The following ERG variants were observed in gnomAD, a reference collection of about 807,000 sequenced individuals.
The protein encoded by ERG is ETS transcription factor ERG.
A neutral mutation model predicts 55.3 loss-of-function variants in ERG; 9 were observed. The ratio of observed to expected loss-of-function variants is 0.16; its 90% CI spans 0.10 to 0.28. The LOEUF (loss-of-function observed/expected upper bound fraction) is 0.28, where lower values mean the gene tolerates loss of function less well. Ranked by LOEUF, ERG falls within the 10% of genes least tolerant of loss-of-function variation. The pLI, the probability that ERG is intolerant of heterozygous loss-of-function variation, is 1.00. For missense variants in ERG, 434 were observed against 631.6 expected, an observed-to-expected ratio of 0.69 and a Z score of 3.35; for synonymous variants, 223 against 237.3, an observed-to-expected ratio of 0.94 and a Z score of 0.55.
chr21:38,585,963 A>G (rs2060061403), upstream of ERG, among the ~76,000 whole-genome samples: 1 of 151,998 alleles, frequency 6.6e-6, no homozygotes, highest in Non-Finnish European at 1.5e-5. Context: ...AAGAAAAAAA[A>G]ATAAGTGGAT....
At chr21:38,418,885 C>A (rs1444760858) in intron 3 of ERG, among the ~76,000 whole-genome samples, 1 of 142,644 alleles carries the variant, frequency 7.0e-6, no homozygotes, top group Non-Finnish European at 1.5e-5. Context: ...TGAGATCCTG[C>A]CATTGCAATT....
the ERG span, among the ~76,000 whole-genome samples, chr21:38,368,990 C>A: frequency 1.1e-4 from 17 of 152,258 alleles, no homozygotes; most frequent in Middle Eastern, 3.4e-3. Context: ...TGTACATGTA[C>A]CATATTTTCT....
At chr21:38,437,916 T>C (rs537564306) in intron 2 of ERG, among the ~76,000 whole-genome samples, 56 of 152,326 alleles carry the variant, frequency 3.7e-4, no homozygotes, top group African/African-American at 6.3e-4. Flanking sequence ...AGTAACACTA[T>C]ATCCCTCCTT....
intron 2 of ERG, among the ~76,000 whole-genome samples, chr21:38,555,935 GAA>G (rs1917545293): frequency 6.6e-6 from 1 of 152,164 alleles, no homozygotes; most frequent in Admixed American, 6.6e-5. Context: ...CTTTGTTCTA[GAA>G]ATTCTACTTA....
intron 1 of ERG, among the ~76,000 whole-genome samples, chr21:38,637,816 CGTGTGT>C (rs141642791): frequency 1.3e-5 from 2 of 148,942 alleles, no homozygotes; most frequent in African/African-American, 4.9e-5. Context: ...TCTTTTTCTG[CGTGTGT>C]GTGTGTGTGT....
intron 1 of ERG, among the ~76,000 whole-genome samples, chr21:38,451,771 T>G (rs962991625): frequency 6.6e-6 from 1 of 152,104 alleles, no homozygotes; most frequent in Non-Finnish European, 1.5e-5. Flanking sequence ...CCTTCAGGAG[T>G]TTTTATTCTA....
chr21:38,377,519 C>T (rs1987275565), downstream of ERG, among the ~76,000 whole-genome samples: 1 of 152,214 alleles, frequency 6.6e-6, no homozygotes, highest in African/African-American at 2.4e-5. Flanking sequence ...AAACAAGTTT[C>T]AGTTATATTC....
intron 2 of ERG, among the ~76,000 whole-genome samples, chr21:38,441,188 C>T (rs1333608004): frequency 1.3e-5 from 2 of 152,218 alleles, no homozygotes; most frequent in Admixed American, 1.3e-4. Context: ...CTGATGAGTG[C>T]AGCATCCCTG....
At chr21:38,408,617 T>C (rs1425915175) in intron 3 of ERG, among the ~76,000 whole-genome samples, 1 of 152,248 alleles carries the variant, frequency 6.6e-6, no homozygotes, top group African/African-American at 2.4e-5. Context: ...GGGTCCAGGC[T>C]GTCAGGTTTT....
At position 38,452,369 on chromosome 21, in the gene ERG, G is replaced by A. The variant is rs554023424; in HGVS notation, c.19-6748C>T. Among the ~76,000 whole-genome samples, 3 of 152,112 alleles carry A rather than the reference G, an allele frequency of 2.0e-5. No individual in the cohort carries two copies. In the South Asian group the frequency reaches 6.2e-4, roughly 32 times the overall value. On this transcript the variant is annotated intron_variant, in intron 1 of 9. Transcript: ENST00000288319. ...CACACATATATACAGATACGCACAT[G>A]CATATACACAAATACATATATAAGT...
At chr21:38,605,599 T>C (rs1030919270) in intron 1 of ERG, among the ~76,000 whole-genome samples, 6 of 152,012 alleles carry the variant, frequency 3.9e-5, no homozygotes, top group Non-Finnish European at 5.9e-5. Context: ...CAGGAACCCA[T>C]AGGGATTTGG....
intron 1 of ERG, among the ~76,000 whole-genome samples, chr21:38,462,094 C>T (rs2059048709): frequency 6.6e-6 from 1 of 152,166 alleles, no homozygotes; most frequent in Admixed American, 6.5e-5. Context: ...CCTTCTCCTG[C>T]CTCAGCCTCC....
chr21:38,403,496 G>C lies in ERG; in HGVS notation c.592+10C>G, dbSNP rs1425487888. 1 of 1,613,340 alleles carries C rather than the reference G, an allele frequency of 6.2e-7. No homozygotes were observed. Among genetic ancestry groups the C allele is most frequent in the Non-Finnish European group, 8.5e-7 (1 of 1,179,386 alleles). On this transcript the variant is annotated intron_variant, in intron 4 of 9. Transcript: ENST00000288319. ...ACAGCCATCTATCCTTGGAGGAAGG[G>C]GGAGCTTACTCTCTCTGAGGTAGTG...
chr21:38,656,545 C>A (rs148590714), intron 1 of ERG, among the ~76,000 whole-genome samples: 39 of 152,276 alleles, frequency 2.6e-4, no homozygotes, highest in Admixed American at 2.2e-3. Flanking sequence ...AAAATGTGCA[C>A]GCTCCAATTT....
At chr21:38,392,526 T>A in intron 6 of ERG, 82 bp from the exon 7 acceptor site, 2 of 1,008,590 alleles carry the variant, frequency 2.0e-6, no homozygotes, top group Admixed American at 3.4e-5. Context: ...TGATTTTGTA[T>A]TTATTAGAAT....
intron 1 of ERG, among the ~76,000 whole-genome samples, chr21:38,657,747 T>C (rs2060527912): frequency 6.6e-6 from 1 of 152,172 alleles, no homozygotes; most frequent in Non-Finnish European, 1.5e-5. Context: ...GAGAGGTCCG[T>C]ACACTGACAA....
upstream of ERG, among the ~76,000 whole-genome samples, chr21:38,585,248 G>A (rs1601279738): frequency 6.6e-6 from 1 of 151,984 alleles, no homozygotes; most frequent in East Asian, 1.9e-4. Flanking sequence ...TTTCCTTATA[G>A]CCCCCAGCTT....
intron 2 of ERG, among the ~76,000 whole-genome samples, chr21:38,439,531 C>T (rs1014347407): frequency 6.6e-6 from 1 of 152,186 alleles, no homozygotes; most frequent in Non-Finnish European, 1.5e-5. Flanking sequence ...TTGGGGCTTT[C>T]TGGTGCGTGA....
At chr21:38,409,206 G>A (rs899181963) in intron 3 of ERG, among the ~76,000 whole-genome samples, 3 of 152,088 alleles carry the variant, frequency 2.0e-5, no homozygotes, top group African/African-American at 4.8e-5. Context: ...TGATCAGGCT[G>A]GGCGTGGTGG....
Sources: gnomAD v4.1 joint callset for allele counts (sites outside exome capture counted in the v4.1 genomes callset) on GRCh38, gnomAD v4.1.1 for gene constraint, MANE v1.5 for transcripts, NCBI Gene and HGNC (gene_info 2026-07-23, HGNC 2026-07-21) for gene names.